GFRA1: variants seen among roughly 807,000 people sequenced by gnomAD.
GFRA1 encodes GDNF family receptor alpha-1.
In GFRA1, 16 loss-of-function variants were observed where a neutral mutation model predicts 51.6. That is an observed-to-expected ratio of 0.31 (90% CI 0.21 to 0.47). The LOEUF is 0.47. Ranked by LOEUF, GFRA1 falls within the 20% of genes least tolerant of loss-of-function variation. GFRA1 has a pLI of 1.00. For synonymous variants in GFRA1, 270 were observed against 241.3 expected, an observed-to-expected ratio of 1.12 and a Z score of -1.10; for missense variants, 530 against 594.3, an observed-to-expected ratio of 0.89 and a Z score of 1.13.
At position 116,271,191 on chromosome 10, in the gene GFRA1, C is replaced by A. The variant is rs1276328636; in HGVS notation, c.41-76G>T. The A allele has an allele frequency of 2.2e-6, 3 of 1,341,516 alleles. No homozygotes were observed. In the East Asian group the frequency reaches 7.1e-5, roughly 32 times the overall value. 83.1% of individuals were successfully genotyped at this position (1,341,516 alleles called of 1,614,324 possible). On this transcript the variant is annotated intron_variant, in intron 2 of 10. Transcript: ENST00000355422. ...CGCCCCTGCTCCGGGCGAGGGCGCG[C>A]GCCCGGGTCAGGGATGCTTGACCAG...
At chr10:116,237,877 G>A (rs7912020) in intron 4 of GFRA1, among the ~76,000 whole-genome samples, 136,973 of 152,202 alleles carry the variant, frequency 0.9, 61,648 homozygotes, top group East Asian at 1. Context: ...GTGGGGAAAA[G>A]GGTTCCTAGG....
chr10:116,237,377 G>A (rs1345959772), intron 4 of GFRA1, among the ~76,000 whole-genome samples: 1 of 152,092 alleles, frequency 6.6e-6, no homozygotes, highest in Non-Finnish European at 1.5e-5. Flanking sequence ...TGAGAAAAAT[G>A]AGGCTCAGAG....
chr10:116,057,185 C>T lies in GFRA1; in HGVS notation c.*7213G>A. ...TGACCCCAGGAGAATGCTCCGGTGT[C>T]CTCTGGAAAGCAGATACACAGGACG... On this transcript the variant is annotated 3_prime_UTR_variant, in exon 11 of 11. Transcript: ENST00000355422. 6.6e-6 allele frequency: 1 copy of T among 152,142 alleles called. No homozygotes were observed. Among genetic ancestry groups the T allele is most frequent in the East Asian group, 1.9e-4 (1 of 5,184 alleles). 9.4% of individuals were successfully genotyped at this position (152,142 alleles called of 1,614,324 possible).
chr10:116,241,747 A>G (rs1159439478), intron 4 of GFRA1, among the ~76,000 whole-genome samples: 1 of 152,220 alleles, frequency 6.6e-6, no homozygotes, highest in African/African-American at 2.4e-5. Context: ...TTGGGCTGCA[A>G]TGGCTGGACT....
At chr10:116,086,569 T>C (rs1956109164) in intron 9 of GFRA1, among the ~76,000 whole-genome samples, 1 of 152,104 alleles carries the variant, frequency 6.6e-6, no homozygotes, top group Admixed American at 6.5e-5. Flanking sequence ...ATTCCCTGCC[T>C]CATTTGTGCA....
At chr10:116,201,974 G>C (rs888237342) in intron 5 of GFRA1, among the ~76,000 whole-genome samples, 1 of 152,166 alleles carries the variant, frequency 6.6e-6, no homozygotes, top group Non-Finnish European at 1.5e-5. Context: ...AAAGGACCTA[G>C]GCTATCAAAT....
At position 116,096,728 on chromosome 10, in the gene GFRA1, T is replaced by C. The variant is rs780616613; in HGVS notation, c.807A>G (p.Pro269=). The change falls in exon 7 of 11, where the codon CCA becomes CCG. Residue 269 remains proline (P), a synonymous_variant. Transcript: ENST00000355422. ...GACAGCTGCTGACAGACCTTGACTC[T>C]GGCTGGCAGTTGGTAAAAAAATCCG... ...RLADFFTNCQ[P]ESRSVSSCLK... is the part of the protein sequence containing the mutation. The C allele has an allele frequency of 8.7e-6, 14 of 1,612,820 alleles. No individual in the cohort carries two copies. Among genetic ancestry groups the C allele is most frequent in the Non-Finnish European group, 1.2e-5 (14 of 1,179,066 alleles).
At chr10:116,093,672 T>G in intron 8 of GFRA1, 30 bp downstream of exon 8, 1 of 1,606,832 alleles carries the variant, frequency 6.2e-7, no homozygotes. Flanking sequence ...ATGCGTTTGC[T>G]CCTTTGTTTC....
chr10:116,135,583 C>G (rs1024940272), intron 5 of GFRA1, among the ~76,000 whole-genome samples: 1 of 152,142 alleles, frequency 6.6e-6, no homozygotes, highest in Non-Finnish European at 1.5e-5. Flanking sequence ...AGACTTCTAT[C>G]GCCATCTTTT....
At chr10:116,083,148 C>T (rs558204930) in intron 9 of GFRA1, among the ~76,000 whole-genome samples, 2 of 152,332 alleles carry the variant, frequency 1.3e-5, no homozygotes, top group South Asian at 2.1e-4. Flanking sequence ...AAGCTTTTCC[C>T]GGAAAACCAA....
At chr10:116,175,487 C>A (rs373165649) in intron 5 of GFRA1, among the ~76,000 whole-genome samples, 1 of 152,106 alleles carries the variant, frequency 6.6e-6, no homozygotes, top group African/African-American at 2.4e-5. Context: ...CATTAAAGGG[C>A]GAGATTAATG....
chr10:116,167,520 A>G (rs1466336906), intron 5 of GFRA1, among the ~76,000 whole-genome samples: 1 of 152,110 alleles, frequency 6.6e-6, no homozygotes, highest in African/African-American at 2.4e-5. Context: ...CCTGGCATGT[A>G]ATGTCTGCAG....
chr10:116,232,940 G>A (rs555495721), intron 4 of GFRA1, among the ~76,000 whole-genome samples: 1 of 152,294 alleles, frequency 6.6e-6, no homozygotes, highest in East Asian at 1.9e-4. Flanking sequence ...ATTAAATATA[G>A]ATTGCTAGTT....
Position 116,062,109 on chromosome 10 carries a change from G to A in GFRA1, c.*2289C>T, listed in dbSNP as rs558523523. The A allele has an allele frequency of 2.5e-6, 1 of 398,446 alleles. No homozygotes were observed. Among genetic ancestry groups the A allele is most frequent in the Non-Finnish European group, 4.4e-6 (1 of 226,050 alleles). The allele number at this position is 398,446 out of a possible 1,614,324, so 24.7% of individuals were successfully genotyped here. A position where few individuals can be genotyped will look rare whatever the true frequency, so the allele number is the denominator to read the frequency against. ...GCATTCTTCAATGAAGGCTGCCCTT[G>A]TTAGCGCTGAAACTCCCATTTCCGC... On this transcript the variant is annotated 3_prime_UTR_variant, in exon 11 of 11. Transcript: ENST00000355422.
intron 6 of GFRA1, among the ~76,000 whole-genome samples, chr10:116,115,570 A>C (rs1957380917): frequency 6.6e-6 from 1 of 152,020 alleles, no homozygotes; most frequent in South Asian, 2.1e-4. Context: ...CCTCTCCTTA[A>C]ATACAGCCAG....
chr10:116,123,267 A>G (rs7905052), intron 6 of GFRA1, among the ~76,000 whole-genome samples: 1 of 152,310 alleles, frequency 6.6e-6, no homozygotes, highest in African/African-American at 2.4e-5. Flanking sequence ...TCAATGAAAC[A>G]GGGGCTTGGA....
intron 5 of GFRA1, among the ~76,000 whole-genome samples, chr10:116,149,257 T>C (rs1271206301): frequency 1.3e-5 from 2 of 152,152 alleles, no homozygotes; most frequent in Non-Finnish European, 2.9e-5. Flanking sequence ...AGCAGCACAA[T>C]AAAAAATCCT....
At chr10:116,075,809 A>G (rs1267713564) in intron 9 of GFRA1, among the ~76,000 whole-genome samples, 3 of 152,010 alleles carry the variant, frequency 2.0e-5, no homozygotes, top group Non-Finnish European at 4.4e-5. Flanking sequence ...CAGTGGTGCT[A>G]TCTCGGCTCA....
Position 116,271,196 on chromosome 10 carries a change from G to C in GFRA1, c.41-81C>G, listed in dbSNP as rs1320110357. 7.1e-6 allele frequency: 9 copies of C among 1,272,902 alleles called. No individual in the cohort carries two copies. The African/African-American group carries it at 1.2e-4, about 17-fold the overall frequency. 78.9% of individuals were successfully genotyped at this position (1,272,902 alleles called of 1,614,324 possible). A position where few individuals can be genotyped will look rare whatever the true frequency, so the allele number is the denominator to read the frequency against. ...CTGCTCCGGGCGAGGGCGCGCGCCC[G>C]GGTCAGGGATGCTTGACCAGCCTTC... is the stretch of plus-strand genomic sequence containing the variant. On this transcript the variant is annotated intron_variant, in intron 2 of 10. Transcript: ENST00000355422.
Sources: allele counts gnomAD v4.1 joint callset (sites outside exome capture counted in the v4.1 genomes callset), GRCh38; gene constraint gnomAD v4.1.1; transcripts MANE v1.5; gene names NCBI Gene and HGNC (gene_info 2026-07-23, HGNC 2026-07-21).